Variants in ZNF385D observed in about 807,000 individuals in gnomAD.
ZNF385D encodes zinc finger protein 385D.
In ZNF385D, 15 loss-of-function variants were observed where a neutral mutation model predicts 35.8. The observed-to-expected ratio is 0.42, with a 90% CI of 0.28 to 0.64. ZNF385D has a LOEUF of 0.64. Ranked by LOEUF, ZNF385D falls within the 30% of genes least tolerant of loss-of-function variation. The pLI, the probability that ZNF385D is intolerant of heterozygous loss-of-function variation, is 0.23. For synonymous variants in ZNF385D, 212 were observed against 186.8 expected (o/e 1.13, Z -1.10); for missense variants, 474 against 494.6 (o/e 0.96, Z 0.39).
At chr3:22,126,307 GTTGT>G (rs1159254138) in intron 3 of ZNF385D, among the ~76,000 whole-genome samples, 796 of 76,426 alleles carry the variant, frequency 0.01, 6 homozygotes, top group African/African-American at 0.029. Context: ...GTATTTGAAA[GTTGT>G]TTTTTTTTTT....
chr3:21,691,469 A>G (rs73138855), intron 1 of ZNF385D, among the ~76,000 whole-genome samples: 30 of 151,896 alleles, frequency 2.0e-4, no homozygotes, highest in African/African-American at 7.0e-4. Context: ...ACACTCCTTA[A>G]ATCTCCTTCC....
intron 2 of ZNF385D, among the ~76,000 whole-genome samples, chr3:22,234,013 T>C (rs1018221187): frequency 1.3e-5 from 2 of 152,128 alleles, no homozygotes; most frequent in African/African-American, 2.4e-5. Flanking sequence ...AAAACAAATC[T>C]ACTCTACTAT....
chr3:21,923,924 G>A (rs1700599149), intron 3 of ZNF385D, among the ~76,000 whole-genome samples: 2 of 152,116 alleles, frequency 1.3e-5, no homozygotes, highest in Admixed American at 6.5e-5. Flanking sequence ...AAACCTGCAC[G>A]TGTACCTCCT....
chr3:21,510,420 A>G (rs1375290029), intron 4 of ZNF385D, among the ~76,000 whole-genome samples: 1 of 152,220 alleles, frequency 6.6e-6, no homozygotes, highest in South Asian at 2.1e-4. Flanking sequence ...ATTTATGACA[A>G]TAAAGGCTTT....
At chr3:21,592,947 C>T (rs1453153500) in intron 2 of ZNF385D, among the ~76,000 whole-genome samples, 1 of 152,208 alleles carries the variant, frequency 6.6e-6, no homozygotes, top group African/African-American at 2.4e-5. Flanking sequence ...TACAGGGCAG[C>T]AAGGGCTGAA....
At chr3:22,066,495 T>A (rs1699965358) in intron 3 of ZNF385D, among the ~76,000 whole-genome samples, 1 of 143,180 alleles carries the variant, frequency 7.0e-6, no homozygotes, top group Non-Finnish European at 1.5e-5. Flanking sequence ...TGTGTGTGTA[T>A]GTCTGTAAGT....
intron 3 of ZNF385D, among the ~76,000 whole-genome samples, chr3:21,816,415 G>A (rs991351352): frequency 1.3e-5 from 2 of 152,140 alleles, no homozygotes; most frequent in African/African-American, 4.8e-5. Flanking sequence ...TGACATGATT[G>A]TATATCTAGA....
rs912952394 is a variant in ZNF385D, at chr3:21,994,765, G to T, written c.325+174052C>A. ...TGCTTTGGCTTTGATTTTTGGATGG[G>T]CATGGTAGTGTAGTCTCAGTATGAT... On this transcript the variant is annotated intron_variant, in intron 3 of 5. Transcript: ENST00000494108. Among the ~76,000 whole-genome samples, 5 of 152,280 alleles carry T rather than the reference G, an allele frequency of 3.3e-5. No individual in the cohort carries two copies. The East Asian group carries it at 5.8e-4, about 18-fold the overall frequency.
intron 3 of ZNF385D, among the ~76,000 whole-genome samples, chr3:22,123,858 G>T (rs1217371335): frequency 7.0e-6 from 1 of 143,820 alleles, no homozygotes; most frequent in African/African-American, 2.7e-5. Context: ...GCAAAATTCT[G>T]TCTCAGAAAA....
At chr3:21,595,912 A>T (rs1559443888) in intron 2 of ZNF385D, among the ~76,000 whole-genome samples, 1 of 152,212 alleles carries the variant, frequency 6.6e-6, no homozygotes, top group Non-Finnish European at 1.5e-5. Context: ...TCAGGCTCCA[A>T]TCCTTCATTT....
intron 3 of ZNF385D, among the ~76,000 whole-genome samples, chr3:21,956,951 T>C (rs1008440531): frequency 6.6e-6 from 1 of 151,954 alleles, no homozygotes; most frequent in Non-Finnish European, 1.5e-5. Context: ...TCAACTTCAG[T>C]TGTATCTCCC....
At chr3:22,119,747 T>G (rs1428401928) in intron 3 of ZNF385D, among the ~76,000 whole-genome samples, 1 of 152,182 alleles carries the variant, frequency 6.6e-6, no homozygotes, top group African/African-American at 2.4e-5. Context: ...GTCACAGGAT[T>G]CCCTGGGATT....
At chr3:21,468,398 T>C (rs1703662012) in intron 4 of ZNF385D, among the ~76,000 whole-genome samples, 2 of 57,150 alleles carry the variant, frequency 3.5e-5, no homozygotes, top group Admixed American at 4.3e-4. Flanking sequence ...CAAGACACTG[T>C]CTCAAAAAAA....
intron 3 of ZNF385D, among the ~76,000 whole-genome samples, chr3:21,873,271 T>C (rs1697792945): frequency 6.6e-6 from 1 of 152,084 alleles, no homozygotes; most frequent in Admixed American, 6.6e-5. Flanking sequence ...TCATATGTTA[T>C]AACATTCAAC....
Position 21,988,145 on chromosome 3 carries a change from A to T in ZNF385D, c.325+180672T>A, listed in dbSNP as rs867292243. On this transcript the variant is annotated intron_variant, in intron 3 of 5. Coordinates refer to the ZNF385D transcript ENST00000494108. ...TCCCGTAGCTCAGAGTCATTTGATC[A>T]TCTGAAGCCTTCTTCTCTCAACTCG... 1.6e-5 allele frequency among the ~76,000 whole-genome samples: 2 copies of T among 128,556 alleles called. 1 individual carries two copies. Among genetic ancestry groups the T allele is most frequent in the Non-Finnish European group, 3.4e-5 (2 of 59,210 alleles). The allele number at this position is 128,556 out of a possible 152,430, so 84.3% of individuals were successfully genotyped here.
chr3:21,684,383 TCTCTCTCTCTCTCTCTCTCTC>T (rs753026038), intron 1 of ZNF385D, among the ~76,000 whole-genome samples: 3,457 of 84,162 alleles, frequency 0.041, 124 homozygotes, highest in Middle Eastern at 0.062. Flanking sequence ...TCTCTCTCTC[TCTCTCTCTCTCTCTCTCTCTC>T]CTCTCTCTCT....
chr3:21,864,859 T>C (rs1420520583), intron 3 of ZNF385D, among the ~76,000 whole-genome samples: 1 of 151,922 alleles, frequency 6.6e-6, no homozygotes, highest in East Asian at 1.9e-4. Context: ...AACTCAGAAA[T>C]GTAGGTCAAG....
At chr3:21,569,752 T>C (rs2063270326) in intron 2 of ZNF385D, among the ~76,000 whole-genome samples, 1 of 151,852 alleles carries the variant, frequency 6.6e-6, no homozygotes, top group Admixed American at 6.6e-5. Flanking sequence ...GTTCATGTCC[T>C]TTGTAGGGAC....
chr3:21,924,040 A>G (rs1259881378), intron 3 of ZNF385D, among the ~76,000 whole-genome samples: 1 of 152,198 alleles, frequency 6.6e-6, no homozygotes, highest in Non-Finnish European at 1.5e-5. Context: ...TACCAAAATT[A>G]TCCTCTTATT....
Sources: gnomAD v4.1 joint callset for allele counts (sites outside exome capture counted in the v4.1 genomes callset) on GRCh38, gnomAD v4.1.1 for gene constraint, MANE v1.5 for transcripts, NCBI Gene and HGNC (gene_info 2026-07-23, HGNC 2026-07-21) for gene names.